ATAD3B: variants seen among roughly 807,000 people sequenced by gnomAD.
ATAD3B encodes the protein ATPase family AAA domain containing 3B, also known as ATPase family AAA domain-containing protein 3B.
Under a neutral mutation model 70.2 loss-of-function variants are expected in ATAD3B, and 59 were observed. The ratio of observed to expected loss-of-function variants is 0.84; its 90% CI spans 0.68 to 1.04. ATAD3B has a LOEUF of 1.04. ATAD3B is among the 50% of genes least tolerant of loss of function. The pLI is 0.00. For missense variants in ATAD3B, 961 were observed against 913.4 expected (o/e 1.05, Z -0.67); for synonymous variants, 423 against 388.6 (o/e 1.09, Z -1.04).
intron 7 of ATAD3B, 176 bp from the exon 8 acceptor site, chr1:1,484,840 C>T: frequency 7.1e-7 from 1 of 1,402,062 alleles, no homozygotes; most frequent in East Asian, 2.5e-5. Flanking sequence ...CACCTGCCTC[C>T]TGTAACCGCG....
At chr1:1,476,604 G>T (rs1175128513) in intron 1 of ATAD3B, among the ~76,000 whole-genome samples, 1 of 151,726 alleles carries the variant, frequency 6.6e-6, no homozygotes, top group South Asian at 2.1e-4. Context: ...TGCCTCCCAG[G>T]TTCACGCCAT....
chr1:1,494,726 G>T (rs1640695446), intron 15 of ATAD3B, among the ~76,000 whole-genome samples: 1 of 147,208 alleles, frequency 6.8e-6, no homozygotes, highest in African/African-American at 2.7e-5. Context: ...GTACAGCTGG[G>T]ACGGGGCGAG....
the ATAD3B span, chr1:1,509,322 G>C: frequency 6.2e-7 from 1 of 1,612,324 alleles, no homozygotes; most frequent in African/African-American, 1.3e-5. Flanking sequence ...GGGGAGGCCT[G>C]GGCCCGAGGA....
At chr1:1,509,257 C>T in the ATAD3B span, 5 of 1,612,990 alleles carry the variant, frequency 3.1e-6, no homozygotes, top group Non-Finnish European at 4.2e-6. Flanking sequence ...ATGATGGACA[C>T]CCGCGTGCAA....
chr1:1,495,091 G>T (rs961789933), intron 15 of ATAD3B, among the ~76,000 whole-genome samples: 5 of 152,096 alleles, frequency 3.3e-5, no homozygotes, highest in African/African-American at 1.2e-4. Context: ...CTGGAGGCCT[G>T]TGAGGGTCAG....
intron 7 of ATAD3B, 177 bp from the exon 8 acceptor site, chr1:1,484,839 C>T: frequency 1.4e-6 from 2 of 1,400,878 alleles, no homozygotes; most frequent in Non-Finnish European, 1.9e-6. Context: ...CCACCTGCCT[C>T]CTGTAACCGC....
At chr1:1,482,673 C>T (rs1557801843) in intron 7 of ATAD3B, 59 bp downstream of exon 7, 1 of 1,610,844 alleles carries the variant, frequency 6.2e-7, no homozygotes, top group South Asian at 1.1e-5. Context: ...GTGGGGGCCT[C>T]CTGGAGCCCC....
At chr1:1,495,443 G>C in intron 15 of ATAD3B, 42 bp from the exon 16 acceptor site, 1 of 1,557,964 alleles carries the variant, frequency 6.4e-7, no homozygotes, top group South Asian at 1.2e-5. Context: ...AGGGTGGCGG[G>C]TTCCCATAGC....
intron 1 of ATAD3B, among the ~76,000 whole-genome samples, chr1:1,474,825 G>A (rs1639514285): frequency 6.6e-6 from 1 of 151,726 alleles, no homozygotes; most frequent in Non-Finnish European, 1.5e-5. Context: ...TAACGATCAG[G>A]TTAGGATGGG....
chr1:1,471,775 C>T lies in ATAD3B; in HGVS notation c.-110C>T. 1 of 1,208,044 alleles carries T rather than the reference C, an allele frequency of 8.3e-7. No individual in the cohort carries two copies. The highest frequency in any genetic ancestry group is 1.0e-6 in the Non-Finnish European group (1 of 968,396). The allele number at this position is 1,208,044 out of a possible 1,614,324, so 74.8% of individuals were successfully genotyped here. ...GAGGAAGGGGTGTGTGTTTCGCCTGCGCAGTGGTCCTGGCCACCGGCTCGC... is the reference window on the plus strand; with the variant it reads ...GAGGAAGGGGTGTGTGTTTCGCCTGTGCAGTGGTCCTGGCCACCGGCTCGC... On this transcript the variant is annotated 5_prime_UTR_variant, in exon 1 of 16. Transcript: ENST00000673477.
intron 1 of ATAD3B, among the ~76,000 whole-genome samples, chr1:1,475,125 G>T (rs958509602): frequency 8.1e-5 from 12 of 148,670 alleles, no homozygotes; most frequent in African/African-American, 2.8e-4. Context: ...CGGAGCTCCT[G>T]ACCCGCAGTC....
chr1:1,502,737 C>G (rs1452753952), downstream of ATAD3B, among the ~76,000 whole-genome samples: 1 of 149,848 alleles, frequency 6.7e-6, no homozygotes, highest in Non-Finnish European at 1.5e-5. Flanking sequence ...GTCGCGAACT[C>G]CTGAGCTCAG....
Position 1,472,084 on chromosome 1 carries a change from A to T in ATAD3B, c.200A>T (p.His67Leu). The change falls in exon 1 of 16, where the codon CAC (histidine) becomes CTC (leucine). Residue 67 changes from histidine to leucine, a missense_variant. Around this residue, in one of 4 missense-constraint regions of ATAD3B, gnomAD observed 187 missense variants for 244.3 expected, o/e 0.77. Transcript: ENST00000673477. ...RAAKAARELEHSRYAKEALNL... is the reference protein window; with the variant it reads ...RAAKAARELELSRYAKEALNL... The stretch of plus-strand genomic sequence containing the variant: ...GCCAAGGCGGCGCGCGAGCTGGAGC[A>T]CTCGCGTGAGTGCGGCGGGGCGGGG... 1.7e-6 allele frequency: 2 copies of T among 1,165,474 alleles called. No homozygotes were observed. Among genetic ancestry groups the T allele is most frequent in the Non-Finnish European group, 2.1e-6 (2 of 954,364 alleles). The allele number at this position is 1,165,474 out of a possible 1,614,324, so 72.2% of individuals were successfully genotyped here.
downstream of ATAD3B, among the ~76,000 whole-genome samples, chr1:1,502,739 T>A (rs190869577): frequency 1.5e-5 from 2 of 134,240 alleles, no homozygotes; most frequent in Admixed American, 1.5e-4. Flanking sequence ...CGCGAACTCC[T>A]GAGCTCAGGC....
chr1:1,499,747 A>G (rs975840469), downstream of ATAD3B, among the ~76,000 whole-genome samples: 1 of 150,682 alleles, frequency 6.6e-6, no homozygotes, highest in African/African-American at 2.4e-5. Context: ...GGCATGCGCC[A>G]CCAAGCCCGG....
Position 1,472,632 on chromosome 1 carries a change from C to A in ATAD3B, c.205+543C>A, listed in dbSNP as rs886476448. 1.7e-4 allele frequency among the ~76,000 whole-genome samples: 26 copies of A among 152,168 alleles called. 1 individual carries two copies. The highest frequency in any genetic ancestry group is 8.5e-4 in the Admixed American group (13 of 15,262). On this transcript the variant is annotated intron_variant, in intron 1 of 15. Transcript: ENST00000673477. ...CCGTGCTGCTCAGCTTGAGTAAACC[C>A]CTGACCCAAGGCCCTCAGGGTGTGA...
chr1:1,487,855 G>C lies in ATAD3B; in HGVS notation c.1215-8G>C, dbSNP rs373575774. The C allele has an allele frequency of 1.4e-5, 22 of 1,612,748 alleles. No individual in the cohort carries two copies. Among genetic ancestry groups the C allele is most frequent in the Admixed American group, 6.7e-5 (4 of 59,938 alleles). On this transcript the variant is annotated splice_polypyrimidine_tract_variant and splice_region_variant and intron_variant, in intron 11 of 15. Transcript: ENST00000673477. Reference sequence around the variant, plus strand: ...TCTCGCCTTGCTTGGCCTCTCTCTCGTTCACAGCCTCCTGCTCTTCATGGA... The same window carrying C: ...TCTCGCCTTGCTTGGCCTCTCTCTCCTTCACAGCCTCCTGCTCTTCATGGA...
chr1:1,486,388 C>T (rs1304842157), intron 10 of ATAD3B, among the ~76,000 whole-genome samples, 153 bp downstream of exon 10: 1 of 151,300 alleles, frequency 6.6e-6, no homozygotes, highest in Non-Finnish European at 1.5e-5. Context: ...GGCAGCAGCG[C>T]CTCCCATCTT....
the ATAD3B span, among the ~76,000 whole-genome samples, chr1:1,504,548 G>A: frequency 6.6e-6 from 1 of 152,010 alleles, no homozygotes; most frequent in Non-Finnish European, 1.5e-5. Flanking sequence ...TACTCAGGAG[G>A]CTGAGGCAGG....
Sources: allele counts gnomAD v4.1 joint callset (sites outside exome capture counted in the v4.1 genomes callset), GRCh38; gene constraint gnomAD v4.1.1; regional missense constraint gnomAD v4.1.1; transcripts MANE v1.5; gene names NCBI Gene and HGNC (gene_info 2026-07-23, HGNC 2026-07-21).